The following PATL1 variants were observed in gnomAD, a reference collection of about 807,000 sequenced individuals.
The protein encoded by PATL1 is PAT1 homolog 1, processing body mRNA decay factor.
PATL1 carries 32 observed loss-of-function variants against 100.6 expected under a neutral mutation model. That is an observed-to-expected ratio of 0.32 (90% CI 0.24 to 0.43). The LOEUF (loss-of-function observed/expected upper bound fraction) is 0.43, where lower values mean the gene tolerates loss of function less well. Among genes scored for constraint, PATL1 ranks in the 20% least tolerant of loss-of-function variants. The pLI, the probability that PATL1 is intolerant of heterozygous loss-of-function variation, is 1.00. For missense variants in PATL1, 747 were observed against 949.9 expected (o/e 0.79, Z 2.81); for synonymous variants, 332 against 330.0 (o/e 1.01, Z -0.07).
intron 16 of PATL1, chr11:59,642,529 C>T (rs1861300093): frequency 5.9e-6 from 1 of 169,692 alleles, no homozygotes; most frequent in Non-Finnish European, 1.3e-5. Flanking sequence ...CCACATCCAC[C>T]TGTCCTTCTT....
intron 2 of PATL1, among the ~76,000 whole-genome samples, chr11:59,659,989 A>G (rs1182579722): frequency 1.3e-5 from 2 of 152,154 alleles, no homozygotes; most frequent in African/African-American, 4.8e-5. Context: ...TACCAGGAAT[A>G]AAATTCAAAC....
At chr11:59,654,682 C>T (rs774990561) in intron 8 of PATL1, among the ~76,000 whole-genome samples, 3 of 152,024 alleles carry the variant, frequency 2.0e-5, no homozygotes, top group East Asian at 1.9e-4. Flanking sequence ...GTAGGTTTAA[C>T]GTACTCAGCT....
intron 11 of PATL1, 50 bp from the exon 12 acceptor site, chr11:59,651,691 TGCAG>T: frequency 1.5e-5 from 18 of 1,186,338 alleles, no homozygotes; most frequent in East Asian, 2.4e-5. Context: ...AAGTCAGCAA[TGCAG>T]GCAGGCAGTG....
At chr11:59,658,174 AAAAG>A (rs113441254) in intron 4 of PATL1, among the ~76,000 whole-genome samples, 30 of 150,594 alleles carry the variant, frequency 2.0e-4, no homozygotes, top group Non-Finnish European at 3.8e-4. Flanking sequence ...AAAAAAAAAA[AAAAG>A]AAAGAAAGAG....
In PATL1 at chr11:59,652,969, T is replaced by C; in HGVS notation, c.1171A>G (p.Ser391Gly). 6 of 1,614,024 alleles carry C rather than the reference T, an allele frequency of 3.7e-6. No individual in the cohort carries two copies. Among genetic ancestry groups the C allele is most frequent in the Non-Finnish European group, 5.1e-6 (6 of 1,179,882 alleles). ...GAGDRGSHRSSHQDHLRKDPY... is the reference protein window; with the variant it reads ...GAGDRGSHRSGHQDHLRKDPY... ...TCCTTTCGGAGATGATCTTGATGACTGCTCCGGTGACTTCCTCTATCTCCC... is the reference window on the plus strand; with the variant it reads ...TCCTTTCGGAGATGATCTTGATGACCGCTCCGGTGACTTCCTCTATCTCCC... Residue 391 changes from serine to glycine, a missense_variant, in exon 10 of 19, where the codon AGT becomes GGT. Transcript: ENST00000300146.
chr11:59,651,698 AG>A, intron 11 of PATL1, 57 bp from the exon 12 acceptor site: 1 of 1,119,466 alleles, frequency 8.9e-7, no homozygotes. Context: ...CAATGCAGGC[AG>A]GCAGTGTTCA....
At chr11:59,647,000 G>A (rs1443892251) in intron 15 of PATL1, among the ~76,000 whole-genome samples, 1 of 152,034 alleles carries the variant, frequency 6.6e-6, no homozygotes, top group African/African-American at 2.4e-5. Context: ...CAAGAGGACT[G>A]CACGAGTCTA....
Position 59,668,876 on chromosome 11 carries a change from C to T in PATL1, c.15+5G>A. ...GAGGGGTCACTTCCGGTCGCAACAGCTCACCTCGTAGCGGAACATTCTTGG... is the reference window on the plus strand; with the variant it reads ...GAGGGGTCACTTCCGGTCGCAACAGTTCACCTCGTAGCGGAACATTCTTGG... On this transcript the variant is annotated splice_donor_5th_base_variant and intron_variant, in intron 1 of 18. Transcript: ENST00000300146. 7.6e-7 allele frequency: 1 copy of T among 1,308,398 alleles called. No homozygotes were observed. 81.0% of individuals were successfully genotyped at this position (1,308,398 alleles called of 1,614,324 possible).
At chr11:59,657,321 C>G (rs1237190911) in intron 5 of PATL1, among the ~76,000 whole-genome samples, 1 of 152,016 alleles carries the variant, frequency 6.6e-6, no homozygotes, top group Non-Finnish European at 1.5e-5. Flanking sequence ...TTTTTCTCCC[C>G]CAATTAAAAG....
In PATL1 at chr11:59,657,813, A is replaced by ATT. The variant is rs34703318; in HGVS notation, c.427-91_427-90dup. 13 of 993,178 alleles carry ATT rather than the reference A, an allele frequency of 1.3e-5. No individual in the cohort carries two copies. In the African/African-American group the frequency reaches 2.1e-4, roughly 16 times the overall value. 61.5% of individuals were successfully genotyped at this position (993,178 alleles called of 1,614,324 possible). ...ACAGATGCCAAAAATACCTTAAGAA[A>ATT]TTTTTTTAACTTTTTATTTATTTTT... On this transcript the variant is annotated intron_variant, in intron 4 of 18. Transcript: ENST00000300146.
In PATL1 at chr11:59,666,892, C is replaced by T. The variant is rs1011800402; in HGVS notation, c.88G>A (p.Asp30Asn). The T allele has an allele frequency of 6.4e-7, 1 of 1,551,054 alleles. No individual in the cohort carries two copies. The highest frequency in any genetic ancestry group is 1.4e-5 in the African/African-American group (1 of 73,124). ...CCAAATGTATCATCATTGAATTGAT[C>T]AATCTCTTCATCTTCTTCTCCCAGT... is the stretch of plus-strand genomic sequence containing the variant. ...QGLGEEDEEI[D>N]QFNDDTFGSG... The change falls in exon 2 of 19, where the codon GAT becomes AAT. Residue 30 changes from aspartate (D) to asparagine (N), a missense_variant. Transcript: ENST00000300146.
intron 7 of PATL1, 22 bp from the exon 8 acceptor site, chr11:59,655,762 T>C: frequency 6.4e-7 from 1 of 1,555,386 alleles, no homozygotes; most frequent in East Asian, 2.4e-5. Context: ...AAGAAGATCT[T>C]AGATTTAGAC....
At chr11:59,639,555 T>C (rs1037225355) in intron 16 of PATL1, 172 bp from the exon 17 acceptor site, 1 of 587,722 alleles carries the variant, frequency 1.7e-6, no homozygotes, top group Non-Finnish European at 3.0e-6. Flanking sequence ...TGAAAGGCTA[T>C]GTCTCTCTCC....
chr11:59,658,729 T>TA (rs1284146867), intron 4 of PATL1, 137 bp downstream of exon 4: 1 of 640,636 alleles, frequency 1.6e-6, no homozygotes, highest in East Asian at 2.8e-5. Flanking sequence ...AAGGCATAGC[T>TA]AAGTGCTGGA....
At chr11:59,646,851 C>T (rs967742674) in intron 15 of PATL1, among the ~76,000 whole-genome samples, 6 of 152,124 alleles carry the variant, frequency 3.9e-5, no homozygotes, top group Non-Finnish European at 5.9e-5. Flanking sequence ...AAAACTCTAA[C>T]CAAGAATTAA....
At chr11:59,655,104 A>G (rs1360227363) in intron 8 of PATL1, among the ~76,000 whole-genome samples, 1 of 152,196 alleles carries the variant, frequency 6.6e-6, no homozygotes, top group African/African-American at 2.4e-5. Flanking sequence ...CCAATTTCTT[A>G]AAATAAAACC....
chr11:59,653,913 A>G, intron 9 of PATL1, 70 bp downstream of exon 9: 1 of 1,352,246 alleles, frequency 7.4e-7, no homozygotes, highest in Non-Finnish European at 1.0e-6. Context: ...ACAACTAAAT[A>G]GCATGTTGTT....
intron 14 of PATL1, 136 bp from the exon 15 acceptor site, chr11:59,648,049 G>T: frequency 1.7e-6 from 1 of 586,304 alleles, no homozygotes; most frequent in Non-Finnish European, 2.6e-6. Context: ...AAAACAGTAG[G>T]AATCACTTCT....
At chr11:59,659,109 T>G in intron 3 of PATL1, 143 bp downstream of exon 3, 1 of 979,364 alleles carries the variant, frequency 1.0e-6, no homozygotes, top group Non-Finnish European at 1.5e-6. Flanking sequence ...TCTCTAGAAC[T>G]TCTATCATCA....
Sources: gnomAD v4.1 joint callset for allele counts (sites outside exome capture counted in the v4.1 genomes callset) on GRCh38, gnomAD v4.1.1 for gene constraint, MANE v1.5 for transcripts, NCBI Gene and HGNC (gene_info 2026-07-23, HGNC 2026-07-21) for gene names.